The following DNER variants were observed in gnomAD, a reference collection of about 807,000 sequenced individuals.
DNER encodes the protein delta and Notch-like epidermal growth factor-related receptor.
A neutral mutation model predicts 78.2 loss-of-function variants in DNER; 33 were observed. The observed-to-expected ratio is 0.42, with a 90% CI of 0.32 to 0.56. DNER has a LOEUF of 0.56. Ranked by LOEUF, DNER falls within the 20% of genes least tolerant of loss-of-function variation. DNER has a pLI of 0.11. For missense variants in DNER, 918 were observed against 975.3 expected (o/e 0.94, Z 0.78); for synonymous variants, 417 against 384.8 (o/e 1.08, Z -0.98).
At chr2:229,556,893 T>A (rs929500438) in intron 4 of DNER, among the ~76,000 whole-genome samples, 1 of 152,224 alleles carries the variant, frequency 6.6e-6, no homozygotes, top group Non-Finnish European at 1.5e-5. Context: ...GTTCACTCAA[T>A]AAGAACAGTG....
intron 8 of DNER, among the ~76,000 whole-genome samples, chr2:229,420,243 G>C (rs538049149): frequency 4.6e-5 from 7 of 152,142 alleles, no homozygotes; most frequent in Admixed American, 4.6e-4. Flanking sequence ...TTACTGTCTG[G>C]CCCTTTGCGC....
At chr2:229,364,291 C>A (rs1450274232) in intron 12 of DNER, among the ~76,000 whole-genome samples, 1 of 152,082 alleles carries the variant, frequency 6.6e-6, no homozygotes, top group Non-Finnish European at 1.5e-5. Context: ...CCGGTCAAGG[C>A]ACCCTATTCC....
chr2:229,430,205 A>G (rs1297771692), intron 8 of DNER, among the ~76,000 whole-genome samples: 1 of 152,204 alleles, frequency 6.6e-6, no homozygotes, highest in African/African-American at 2.4e-5. Context: ...ATTAATTTAA[A>G]TATGTATATT....
chr2:229,682,188 A>T (rs1574562588), intron 1 of DNER, among the ~76,000 whole-genome samples: 1 of 152,226 alleles, frequency 6.6e-6, no homozygotes, highest in East Asian at 1.9e-4. Flanking sequence ...TGTGAAAACT[A>T]GTTCACAAAT....
intron 11 of DNER, among the ~76,000 whole-genome samples, chr2:229,380,792 C>T (rs1307108856): frequency 1.3e-5 from 2 of 151,606 alleles, no homozygotes; most frequent in African/African-American, 4.8e-5. Flanking sequence ...AGGAGTGGTG[C>T]CACACACCTG....
At chr2:229,376,057 C>T (rs752608631) in intron 11 of DNER, among the ~76,000 whole-genome samples, 17 of 152,334 alleles carry the variant, frequency 1.1e-4, no homozygotes, top group East Asian at 7.7e-4. Context: ...GCTTCCCCTT[C>T]GCCTTTTGCC....
intron 8 of DNER, among the ~76,000 whole-genome samples, chr2:229,438,804 A>G (rs183406061): frequency 6.3e-4 from 96 of 152,338 alleles, no homozygotes; most frequent in African/African-American, 2.3e-3. Flanking sequence ...TGATTTCACC[A>G]CTATGCAATC....
At chr2:229,414,657 T>C (rs1693604060) in intron 9 of DNER, among the ~76,000 whole-genome samples, 1 of 152,186 alleles carries the variant, frequency 6.6e-6, no homozygotes, top group Admixed American at 6.5e-5. Context: ...ACCACTTTAC[T>C]TGTTGAAATT....
chr2:229,496,655 C>T (rs1456133258), intron 6 of DNER, among the ~76,000 whole-genome samples: 1 of 151,958 alleles, frequency 6.6e-6, no homozygotes, highest in African/African-American at 2.4e-5. Context: ...GGGATAGCTC[C>T]ACTTAAATAA....
chr2:229,629,309 T>A (rs1220502980), intron 1 of DNER, among the ~76,000 whole-genome samples: 1 of 152,190 alleles, frequency 6.6e-6, no homozygotes, highest in African/African-American at 2.4e-5. Context: ...AAGGAGGAAT[T>A]TATAGATAAT....
chr2:229,381,181 C>T (rs1434610720), intron 11 of DNER, among the ~76,000 whole-genome samples: 1 of 151,978 alleles, frequency 6.6e-6, no homozygotes, highest in Non-Finnish European at 1.5e-5. Context: ...TCAAGAAACT[C>T]CCTCCCCTAG....
intron 12 of DNER, among the ~76,000 whole-genome samples, chr2:229,358,955 A>G (rs1345805575): frequency 6.6e-6 from 1 of 152,178 alleles, no homozygotes; most frequent in Non-Finnish European, 1.5e-5. Context: ...GAAAATGTGT[A>G]TTGATTTGTC....
intron 1 of DNER, among the ~76,000 whole-genome samples, chr2:229,637,713 T>C (rs1269585364): frequency 6.6e-6 from 1 of 152,216 alleles, no homozygotes. Flanking sequence ...TGGCAAAGAC[T>C]ACAAATCAAG....
intron 1 of DNER, among the ~76,000 whole-genome samples, chr2:229,702,550 A>G (rs531292917): frequency 6.6e-6 from 1 of 151,836 alleles, no homozygotes; most frequent in Admixed American, 6.5e-5. Context: ...AATAATAATG[A>G]TGATGATGAT....
At chr2:229,417,532 G>A (rs560857930) in intron 9 of DNER, among the ~76,000 whole-genome samples, 11 of 152,164 alleles carry the variant, frequency 7.2e-5, no homozygotes, top group South Asian at 2.1e-4. Flanking sequence ...TAGGAACCAC[G>A]CTGACCAGGC....
At chr2:229,596,680 G>A (rs930999262) in intron 1 of DNER, among the ~76,000 whole-genome samples, 1 of 152,348 alleles carries the variant, frequency 6.6e-6, no homozygotes, top group Middle Eastern at 3.4e-3. Context: ...AGGGGATAAA[G>A]AGCCAGAAAG....
chr2:229,598,811 A>C (rs963905399), intron 1 of DNER, among the ~76,000 whole-genome samples: 3 of 152,060 alleles, frequency 2.0e-5, no homozygotes, highest in Non-Finnish European at 2.9e-5. Context: ...TGGGTGGGAC[A>C]AGTTGCTCAC....
chr2:229,403,031 T>C (rs1693301763), intron 10 of DNER, among the ~76,000 whole-genome samples: 1 of 152,212 alleles, frequency 6.6e-6, no homozygotes, highest in South Asian at 2.1e-4. Context: ...TACCACACCC[T>C]ATACTTTATC....
rs1185908829 is a variant in DNER at position 229,615,376 on chromosome 2, A to T, written c.277-23488T>A. 2.8e-5 allele frequency among the ~76,000 whole-genome samples: 4 copies of T among 142,294 alleles called. No homozygotes were observed. In the East Asian group the frequency reaches 8.5e-4, roughly 30 times the overall value. 93.4% of individuals were successfully genotyped at this position (142,294 alleles called of 152,430 possible). A position where few individuals can be genotyped will look rare whatever the true frequency, so the allele number is the denominator to read the frequency against. On this transcript the variant is annotated intron_variant, in intron 1 of 12. Coordinates refer to ENST00000341772, the MANE Select transcript of DNER (RefSeq NM_139072.4). The stretch of plus-strand genomic sequence containing the variant: ...TGGTGAGCCAAGACTGCACCTTTGC[A>T]TCCCAGCCTGAGCCACAAGAGCAAA...
Sources: gnomAD v4.1 joint callset for allele counts (sites outside exome capture counted in the v4.1 genomes callset) on GRCh38, gnomAD v4.1.1 for gene constraint, MANE v1.5 for transcripts, NCBI Gene and HGNC (gene_info 2026-07-23, HGNC 2026-07-21) for gene names.